PLCL1: variants seen among roughly 807,000 people sequenced by gnomAD.
The protein encoded by PLCL1 is inactive phospholipase C-like protein 1.
PLCL1 carries 41 observed loss-of-function variants against 84.4 expected under a neutral mutation model. The ratio of observed to expected loss-of-function variants is 0.49; its 90% CI spans 0.38 to 0.63. The LOEUF is 0.63. Among genes scored for constraint, PLCL1 ranks in the 30% least tolerant of loss-of-function variants. The pLI is 0.00. For missense variants in PLCL1, 1,206 were observed against 1,367.8 expected (o/e 0.88, Z 1.87); for synonymous variants, 490 against 488.3 (o/e 1.00, Z -0.05).
chr2:197,906,801 G>A (rs1688391663), intron 1 of PLCL1, among the ~76,000 whole-genome samples: 1 of 151,980 alleles, frequency 6.6e-6, no homozygotes, highest in Non-Finnish European at 1.5e-5. Context: ...TGTATTCCTG[G>A]GTATTTTTAT....
In PLCL1 at chr2:197,984,062, A is replaced by G. The variant is rs1443634894; in HGVS notation, c.241-99696A>G. Among the ~76,000 whole-genome samples, 5 of 152,204 alleles carry G rather than the reference A, an allele frequency of 3.3e-5. No individual in the cohort carries two copies. In the East Asian group the frequency reaches 9.6e-4, roughly 29 times the overall value. On this transcript the variant is annotated intron_variant, in intron 1 of 5. Transcript: ENST00000428675. ...ATTAAGCTTCATCTAGTTTGTTATCAAAGTATAATTTTTGCTTTGTTGAAA... is the reference window on the plus strand; with the variant it reads ...ATTAAGCTTCATCTAGTTTGTTATCGAAGTATAATTTTTGCTTTGTTGAAA...
intron 1 of PLCL1, among the ~76,000 whole-genome samples, chr2:198,012,996 T>C (rs754251012): frequency 2.6e-5 from 4 of 152,152 alleles, no homozygotes; most frequent in Non-Finnish European, 4.4e-5. Context: ...TCCCAGTTTA[T>C]GTTATTGATG....
chr2:198,006,798 C>T (rs1413020874), intron 1 of PLCL1, among the ~76,000 whole-genome samples: 2 of 152,124 alleles, frequency 1.3e-5, no homozygotes, highest in African/African-American at 2.4e-5. Context: ...AGAAAGCTGC[C>T]TTTGCTGCAA....
intron 1 of PLCL1, among the ~76,000 whole-genome samples, chr2:197,972,077 AAG>A (rs1689880130): frequency 6.6e-6 from 1 of 152,186 alleles, no homozygotes; most frequent in Admixed American, 6.5e-5. Flanking sequence ...TGACACAGGG[AAG>A]TAGCTGATTC....
At chr2:198,027,461 T>G (rs1313752664) in intron 1 of PLCL1, among the ~76,000 whole-genome samples, 1 of 152,188 alleles carries the variant, frequency 6.6e-6, no homozygotes, top group African/African-American at 2.4e-5. Flanking sequence ...TAAAAACGTA[T>G]TGTATACTTG....
Position 198,085,562 on chromosome 2 carries a change from C to T in PLCL1, c.2045C>T (p.Thr682Met), listed in dbSNP as rs771188954. The T allele has an allele frequency of 1.9e-6, 3 of 1,614,050 alleles. No homozygotes were observed. Among genetic ancestry groups the T allele is most frequent in the Non-Finnish European group, 1.7e-6 (2 of 1,179,952 alleles). The change falls in exon 2 of 6, where the codon ACG becomes ATG. Residue 682 changes from threonine to methionine, a missense_variant. Physicochemically the swap from Thr to Met is moderately conservative, Grantham distance 81 (BLOSUM62 -1). Coordinates refer to ENST00000428675, the MANE Select transcript of PLCL1 (RefSeq NM_006226.4). The surrounding 1 kb of genome is among the most constrained non-coding windows in gnomAD (Gnocchi z 5.3). The stretch of plus-strand genomic sequence containing the variant: ...CCGGGTCCAATGATGGACCTTCACA[C>T]GGGCTGGTTTCTTCAAAACGGGGGA... ...QTPGPMMDLH[T>M]GWFLQNGGCG...
chr2:197,827,774 C>A (rs935965702), intron 1 of PLCL1, among the ~76,000 whole-genome samples: 1 of 151,978 alleles, frequency 6.6e-6, no homozygotes, highest in African/African-American at 2.4e-5. Flanking sequence ...TTCCAAAGTC[C>A]CCCAAATGGT....
In PLCL1 at chr2:197,839,722, G is replaced by A. The variant is rs536237500; in HGVS notation, c.240+34383G>A. Among the ~76,000 whole-genome samples the A allele has an allele frequency of 4.5e-4, 68 of 152,200 alleles. 2 individuals are homozygous for A. The South Asian group carries it at 1.0e-2, about 22-fold the overall frequency. ...AGTAAAATGTTGTTAGAAGAAACAGGTTTCATATTTCATATCTCCAGAGAG... is the reference window on the plus strand; with the variant it reads ...AGTAAAATGTTGTTAGAAGAAACAGATTTCATATTTCATATCTCCAGAGAG... On this transcript the variant is annotated intron_variant, in intron 1 of 5. Coordinates refer to ENST00000428675, the MANE Select transcript of PLCL1 (RefSeq NM_006226.4).
chr2:197,922,650 C>T (rs1434401455), intron 1 of PLCL1, among the ~76,000 whole-genome samples: 1 of 142,572 alleles, frequency 7.0e-6, no homozygotes, highest in Admixed American at 6.9e-5. Context: ...GGCTGACCCC[C>T]CCACCCCCCC....
intron 1 of PLCL1, among the ~76,000 whole-genome samples, chr2:198,009,773 A>G (rs1400491177): frequency 6.6e-6 from 1 of 152,006 alleles, no homozygotes; most frequent in Admixed American, 6.6e-5. Context: ...TTTGGGTATT[A>G]TGGACAACTT....
intron 5 of PLCL1, among the ~76,000 whole-genome samples, chr2:198,119,802 G>A (rs890699626): frequency 6.6e-6 from 1 of 151,972 alleles, no homozygotes; most frequent in Non-Finnish European, 1.5e-5. Context: ...CTCCTTCAGG[G>A]TGGGGACTGT....
chr2:198,058,176 A>T (rs1692110793), intron 1 of PLCL1, among the ~76,000 whole-genome samples: 1 of 152,152 alleles, frequency 6.6e-6, no homozygotes, highest in Non-Finnish European at 1.5e-5. Flanking sequence ...ATATTTGCCA[A>T]AATATTAATA....
intron 1 of PLCL1, among the ~76,000 whole-genome samples, chr2:197,955,501 T>A (rs1013520388): frequency 5.3e-5 from 8 of 151,710 alleles, no homozygotes; most frequent in African/African-American, 1.7e-4. Flanking sequence ...ATGTGTACCA[T>A]GGTGGTTTGC....
At chr2:198,091,272 T>A (rs1268605114) in intron 3 of PLCL1, among the ~76,000 whole-genome samples, 1 of 152,172 alleles carries the variant, frequency 6.6e-6, no homozygotes, top group African/African-American at 2.4e-5. Context: ...TAAAACACCA[T>A]TTTTACTTTC....
intron 1 of PLCL1, among the ~76,000 whole-genome samples, chr2:197,970,752 C>T (rs1689847686): frequency 6.6e-6 from 1 of 151,980 alleles, no homozygotes; most frequent in African/African-American, 2.4e-5. Flanking sequence ...CCTTTTTTTC[C>T]CCCACAACAT....
chr2:197,820,282 T>C (rs1036322557), intron 1 of PLCL1, among the ~76,000 whole-genome samples: 1 of 152,144 alleles, frequency 6.6e-6, no homozygotes, highest in South Asian at 2.1e-4. Context: ...TTGTTGCTGC[T>C]GTAATAAGTT....
intron 1 of PLCL1, among the ~76,000 whole-genome samples, chr2:197,917,586 A>G (rs1371451619): frequency 6.6e-6 from 1 of 152,204 alleles, no homozygotes; most frequent in African/African-American, 2.4e-5. Context: ...ATAGAACTTT[A>G]TAGTACACAG....
chr2:198,062,955 G>A (rs1033815864), intron 1 of PLCL1, among the ~76,000 whole-genome samples: 7 of 152,140 alleles, frequency 4.6e-5, no homozygotes, highest in Non-Finnish European at 1.0e-4. Flanking sequence ...GATCCAGTGG[G>A]TGTAGAGTCT....
At chr2:198,097,449 C>G (rs1331329255) in intron 3 of PLCL1, among the ~76,000 whole-genome samples, 1 of 152,108 alleles carries the variant, frequency 6.6e-6, no homozygotes, top group Non-Finnish European at 1.5e-5. Context: ...CTTTGTAACA[C>G]TTTTGGTTAA....
Sources: gnomAD v4.1 joint callset for allele counts (sites outside exome capture counted in the v4.1 genomes callset) on GRCh38, gnomAD v4.1.1 for gene constraint, Gnocchi (gnomAD v3.1) non-coding constraint, MANE v1.5 for transcripts, NCBI Gene and HGNC (gene_info 2026-07-23, HGNC 2026-07-21) for gene names.